The following DLG2 variants were observed in gnomAD, a reference collection of about 807,000 sequenced individuals.
DLG2 encodes disks large homolog 2.
Under a neutral mutation model 132.5 loss-of-function variants are expected in DLG2, and 45 were observed. That is an observed-to-expected ratio of 0.34 (90% confidence interval 0.27 to 0.44). The LOEUF is 0.44. Among genes scored for constraint, DLG2 ranks in the 20% least tolerant of loss-of-function variants. The pLI, the probability that DLG2 is intolerant of heterozygous loss-of-function variation, is 1.00. For synonymous variants in DLG2, 424 were observed against 419.6 expected (o/e 1.01, Z -0.13); for missense variants, 1,045 against 1,196.9 (o/e 0.87, Z 1.87).
At chr11:84,616,091 G>C (rs894779199) in intron 6 of DLG2, among the ~76,000 whole-genome samples, 1 of 152,016 alleles carries the variant, frequency 6.6e-6, no homozygotes, top group African/African-American at 2.4e-5. Flanking sequence ...ATTTCAGACT[G>C]GAATGGCAAA....
chr11:84,301,595 C>T (rs999394974), intron 7 of DLG2, among the ~76,000 whole-genome samples: 10 of 136,560 alleles, frequency 7.3e-5, no homozygotes, highest in African/African-American at 2.8e-4. Flanking sequence ...GGAGGTGGAG[C>T]TTGCAGTAAG....
At chr11:84,275,045 C>A (rs969506570) in intron 7 of DLG2, among the ~76,000 whole-genome samples, 1 of 152,166 alleles carries the variant, frequency 6.6e-6, no homozygotes, top group Non-Finnish European at 1.5e-5. Context: ...AAAAAGCTGT[C>A]TTTTAAGTTA....
At chr11:84,736,440 G>A (rs1031966164) in intron 6 of DLG2, among the ~76,000 whole-genome samples, 2 of 151,636 alleles carry the variant, frequency 1.3e-5, no homozygotes, top group Non-Finnish European at 3.0e-5. Flanking sequence ...AATTTTGATT[G>A]TGTGGAATTG....
At chr11:84,531,381 T>C (rs956439766) in intron 7 of DLG2, among the ~76,000 whole-genome samples, 2 of 152,184 alleles carry the variant, frequency 1.3e-5, no homozygotes, top group African/African-American at 4.8e-5. Context: ...GATACTATGC[T>C]TATTACCTAG....
chr11:84,373,270 C>CAAAAAAAAAAAAAAAAACA (rs1299753951), intron 7 of DLG2, among the ~76,000 whole-genome samples: 1 of 45,168 alleles, frequency 2.2e-5, no homozygotes, highest in African/African-American at 8.9e-5. Context: ...AAAAACAAAA[C>CAAAAAAAAAAAAAAAAACA]AAAAAAAAAA....
chr11:85,187,973 A>G (rs1411386945), intron 4 of DLG2, among the ~76,000 whole-genome samples: 1 of 152,150 alleles, frequency 6.6e-6, no homozygotes, highest in African/African-American at 2.4e-5. Flanking sequence ...TTGATAAGCT[A>G]TTCACACCAC....
At chr11:84,165,146 C>T (rs866918417) in intron 8 of DLG2, among the ~76,000 whole-genome samples, 2 of 152,280 alleles carry the variant, frequency 1.3e-5, no homozygotes, top group African/African-American at 4.8e-5. Context: ...CAGTATGGCT[C>T]CATGAGGCTT....
At chr11:85,021,547 AT>A in intron 6 of DLG2, 1 of 1,588,856 alleles carries the variant, frequency 6.3e-7, no homozygotes, top group East Asian at 2.2e-5. Context: ...CTTCGAAAAG[AT>A]TGCCTCCACA....
intron 27 of DLG2, chr11:83,461,778 G>A: frequency 2.0e-6 from 1 of 505,582 alleles, no homozygotes. Context: ...GGGTAGGGCT[G>A]GTGGGAACCT....
intron 6 of DLG2, among the ~76,000 whole-genome samples, chr11:84,635,016 G>A (rs111993048): frequency 0.012 from 1,847 of 152,356 alleles, 28 homozygotes; most frequent in Non-Finnish European, 0.019. Flanking sequence ...CGCTGGAGGA[G>A]AGGATGACAA....
rs561307274 is a variant in DLG2, at chr11:83,678,191, T to C, written c.1826-44866A>G. ...ATGTCTTCCCTTGAACCTGAGATCATCATTGTTTTGACCACTTCCTTCTTC... is the reference window on the plus strand; with the variant it reads ...ATGTCTTCCCTTGAACCTGAGATCACCATTGTTTTGACCACTTCCTTCTTC... On this transcript the variant is annotated intron_variant, in intron 18 of 27. Transcript: ENST00000376104. Among the ~76,000 whole-genome samples the C allele has an allele frequency of 3.3e-5, 5 of 152,294 alleles. No homozygotes were observed. The South Asian group carries it at 6.2e-4, about 19-fold the overall frequency.
intron 7 of DLG2, among the ~76,000 whole-genome samples, chr11:84,257,680 T>A (rs530962439): frequency 4.8e-5 from 5 of 104,222 alleles, no homozygotes; most frequent in African/African-American, 2.7e-4. Flanking sequence ...TATCTCTGGA[T>A]TTTTTTTTTT....
At chr11:84,153,718 G>C (rs139836265) in intron 9 of DLG2, among the ~76,000 whole-genome samples, 1,621 of 152,094 alleles carry the variant, frequency 0.011, 29 homozygotes, top group Non-Finnish European at 0.012. Context: ...TCTTAAAATG[G>C]CTCTGTCATC....
chr11:84,650,863 GTGTGTGTGTGTATATATATATATATA>G (rs1312292984), intron 6 of DLG2, among the ~76,000 whole-genome samples: 2 of 92,250 alleles, frequency 2.2e-5, no homozygotes, highest in Admixed American at 9.7e-5. Flanking sequence ...GTGTGTGTGT[GTGTGTGTGTGTATATATATATATATA>G]TATATATATA....
intron 10 of DLG2, among the ~76,000 whole-genome samples, chr11:84,067,977 A>T (rs1015140424): frequency 3.3e-5 from 5 of 152,192 alleles, no homozygotes; most frequent in Non-Finnish European, 5.9e-5. Flanking sequence ...ATATGGCTTA[A>T]CCTGGTTCAC....
At chr11:84,509,721 G>A (rs988298502) in intron 7 of DLG2, among the ~76,000 whole-genome samples, 3 of 152,106 alleles carry the variant, frequency 2.0e-5, no homozygotes, top group Non-Finnish European at 1.5e-5. Flanking sequence ...AATAGTGGGT[G>A]AATTGAGAAG....
At chr11:84,613,512 T>A (rs2099598996) in intron 6 of DLG2, among the ~76,000 whole-genome samples, 1 of 152,092 alleles carries the variant, frequency 6.6e-6, no homozygotes, top group African/African-American at 2.4e-5. Context: ...AAATAGTATC[T>A]ATTAAAATAA....
intron 17 of DLG2, among the ~76,000 whole-genome samples, chr11:83,829,197 CTTTTT>C (rs5793089): frequency 5.0e-5 from 6 of 119,342 alleles, no homozygotes; most frequent in Admixed American, 8.5e-5. Context: ...TTTTATTTAG[CTTTTT>C]TTTTTTTTTT....
chr11:85,265,239 C>A (rs1220250666), intron 4 of DLG2, among the ~76,000 whole-genome samples: 1 of 152,134 alleles, frequency 6.6e-6, no homozygotes, highest in Non-Finnish European at 1.5e-5. Context: ...GAACTAGGAG[C>A]TTCTTAAAAA....
Sources: gnomAD v4.1 joint callset for allele counts (sites outside exome capture counted in the v4.1 genomes callset) on GRCh38, gnomAD v4.1.1 for gene constraint, MANE v1.5 for transcripts, NCBI Gene and HGNC (gene_info 2026-07-23, HGNC 2026-07-21) for gene names.